AFF1: variants seen among roughly 807,000 people sequenced by gnomAD.
The protein encoded by AFF1 is AF4/FMR2 family member 1.
Under a neutral mutation model 121.7 loss-of-function variants are expected in AFF1, and 48 were observed. The observed-to-expected ratio is 0.39, with a 90% CI of 0.31 to 0.50. The LOEUF is 0.50. Ranked by LOEUF, AFF1 falls within the 20% of genes least tolerant of loss-of-function variation. AFF1 has a pLI of 0.76. For missense variants in AFF1, 1,523 were observed against 1,511.7 expected (o/e 1.01, Z -0.12); for synonymous variants, 613 against 563.0 (o/e 1.09, Z -1.26).
At chr4:87,057,684 CT>C (rs1368350643) in intron 4 of AFF1, among the ~76,000 whole-genome samples, 2 of 152,114 alleles carry the variant, frequency 1.3e-5, no homozygotes, top group Non-Finnish European at 2.9e-5. Flanking sequence ...TTGAAATGTA[CT>C]TTAGAAATGA....
chr4:87,091,426 A>C (rs940347459), intron 6 of AFF1, among the ~76,000 whole-genome samples: 1 of 152,226 alleles, frequency 6.6e-6, no homozygotes, highest in African/African-American at 2.4e-5. Context: ...CAAAACAAAA[A>C]AAACAGTGAC....
chr4:87,127,415 G>A (rs1728390368), intron 15 of AFF1, among the ~76,000 whole-genome samples: 1 of 151,878 alleles, frequency 6.6e-6, no homozygotes, highest in South Asian at 2.1e-4. Flanking sequence ...CGCCTGCCTC[G>A]GCCTCCCAAA....
In AFF1 at chr4:87,104,315, G is replaced by A. The variant is rs187970460; in HGVS notation, c.1284-1313G>A. 2.9e-3 allele frequency among the ~76,000 whole-genome samples: 444 copies of A among 152,282 alleles called. 6 individuals carry two copies. The highest frequency in any genetic ancestry group is 1.0e-2 in the African/African-American group (415 of 41,546). On this transcript the variant is annotated intron_variant, in intron 8 of 20. Transcript: ENST00000395146. ...AACTATTCGGGAGGCTGAGGCAAGA[G>A]GATTGCCTGAGCCCAGGAGGCAGAG...
At chr4:87,124,751 T>C (rs565452690) in intron 12 of AFF1, among the ~76,000 whole-genome samples, 2 of 152,350 alleles carry the variant, frequency 1.3e-5, no homozygotes, top group South Asian at 2.1e-4. Flanking sequence ...TTACTGGCAT[T>C]GTCTGTTACT....
In AFF1 at chr4:86,974,826, A is replaced by T. The variant is rs186681815; in HGVS notation, c.38+26255A>T. 3.2e-3 allele frequency among the ~76,000 whole-genome samples: 491 copies of T among 152,322 alleles called. 1 individual carries two copies. Among genetic ancestry groups the T allele is most frequent in the Non-Finnish European group, 5.9e-3 (404 of 68,026 alleles). ...ACTAAAACGGGCGTCGTAATACAAA[A>T]ACCAAGTTGTCGGTTTGTGGTGAAG... On this transcript the variant is annotated intron_variant, in intron 2 of 20. Coordinates refer to ENST00000395146, the MANE Select transcript of AFF1 (RefSeq NM_001166693.3).
At chr4:87,128,419 G>A (rs571111556) in intron 16 of AFF1, among the ~76,000 whole-genome samples, 3 of 152,230 alleles carry the variant, frequency 2.0e-5, no homozygotes, top group African/African-American at 7.2e-5. Flanking sequence ...GTCATATTTA[G>A]ATATCCAAGA....
rs1487973502 is a variant in AFF1, at chr4:86,992,922, G to C, written c.38+44351G>C. Among the ~76,000 whole-genome samples the C allele has an allele frequency of 3.9e-5, 6 of 152,272 alleles. No individual in the cohort carries two copies. The East Asian group carries it at 1.2e-3, about 29-fold the overall frequency. ...CATGTAGGATTTAGAAAATGGAGTAGCCCTTTCTTTGAGTGAGTAAGTTCT... is the reference window on the plus strand; with the variant it reads ...CATGTAGGATTTAGAAAATGGAGTACCCCTTTCTTTGAGTGAGTAAGTTCT... On this transcript the variant is annotated intron_variant, in intron 2 of 20. Coordinates refer to ENST00000395146, the MANE Select transcript of AFF1 (RefSeq NM_001166693.3).
chr4:87,017,522 TAAAG>T (rs1177510001), intron 2 of AFF1, among the ~76,000 whole-genome samples: 1 of 152,302 alleles, frequency 6.6e-6, no homozygotes, highest in East Asian at 1.9e-4. Context: ...GTCAAAGTAG[TAAAG>T]AAAACTCCAA....
At chr4:87,071,315 C>T (rs902664196) in intron 4 of AFF1, among the ~76,000 whole-genome samples, 1 of 151,730 alleles carries the variant, frequency 6.6e-6, no homozygotes, top group African/African-American at 2.4e-5. Context: ...AAAGATTTAC[C>T]TAGAAGAGAT....
intron 4 of AFF1, among the ~76,000 whole-genome samples, chr4:87,062,340 C>G (rs991733442): frequency 3.3e-5 from 5 of 152,158 alleles, no homozygotes; most frequent in Admixed American, 1.3e-4. Flanking sequence ...AAGAGACTTG[C>G]TCCCTCAAAC....
intron 10 of AFF1, among the ~76,000 whole-genome samples, chr4:87,106,840 A>G (rs759865772): frequency 6.6e-6 from 1 of 152,218 alleles, no homozygotes. Context: ...TGTTACAGTT[A>G]ATGTGGAGGA....
At chr4:86,969,879 C>CAAAAAAAAAAAA (rs70953629) in intron 2 of AFF1, among the ~76,000 whole-genome samples, 5,539 of 63,326 alleles carry the variant, frequency 0.087, 1,123 homozygotes, top group Non-Finnish European at 0.13. Flanking sequence ...GACTCCGTCT[C>CAAAAAAAAAAAA]AAAAAAAAAA....
chr4:86,978,828 ACATTTGG>A (rs1316719938), intron 2 of AFF1, among the ~76,000 whole-genome samples: 3 of 152,174 alleles, frequency 2.0e-5, no homozygotes, highest in Admixed American at 1.3e-4. Context: ...GTATTTCTAA[ACATTTGG>A]TTAGTCTGTC....
intron 16 of AFF1, among the ~76,000 whole-genome samples, chr4:87,130,481 A>G (rs375160390): frequency 6.6e-5 from 10 of 152,172 alleles, no homozygotes; most frequent in African/African-American, 2.4e-4. Flanking sequence ...TAGGGTGACC[A>G]CCAATATCTG....
chr4:87,130,834 A>G (rs947350026), intron 16 of AFF1, among the ~76,000 whole-genome samples: 3 of 152,248 alleles, frequency 2.0e-5, no homozygotes, highest in African/African-American at 7.2e-5. Flanking sequence ...ATGTGCTTTC[A>G]TAAGGCTTTG....
chr4:87,075,318 T>A (rs980311787), intron 4 of AFF1, among the ~76,000 whole-genome samples: 3 of 152,038 alleles, frequency 2.0e-5, no homozygotes, highest in Non-Finnish European at 4.4e-5. Context: ...AAGGTAAATT[T>A]AAAAAAATCA....
At chr4:87,135,323 G>A (rs1729209497) in intron 20 of AFF1, among the ~76,000 whole-genome samples, 1 of 152,070 alleles carries the variant, frequency 6.6e-6, no homozygotes, top group South Asian at 2.1e-4. Context: ...ATCCTTTGAG[G>A]CAAAGGTATA....
intron 7 of AFF1, among the ~76,000 whole-genome samples, chr4:87,093,741 AAGTGACT>A (rs1308705771): frequency 6.6e-6 from 1 of 152,250 alleles, no homozygotes; most frequent in Non-Finnish European, 1.5e-5. Flanking sequence ...CATGAGGGCA[AAGTGACT>A]AATTGCAAAT....
chr4:87,116,090 A>G (rs2149772252), intron 12 of AFF1, among the ~76,000 whole-genome samples: 1 of 152,354 alleles, frequency 6.6e-6, no homozygotes, highest in South Asian at 2.1e-4. Context: ...TATCACATCC[A>G]TATTTTAACG....
Sources: gnomAD v4.1 joint callset for allele counts (sites outside exome capture counted in the v4.1 genomes callset) on GRCh38, gnomAD v4.1.1 for gene constraint, MANE v1.5 for transcripts, NCBI Gene and HGNC (gene_info 2026-07-23, HGNC 2026-07-21) for gene names.